Variants in CLMP observed in about 807,000 individuals in gnomAD.
CLMP encodes CXADR like cell adhesion molecule.
Under a neutral mutation model 45.2 loss-of-function variants are expected in CLMP, and 27 were observed. That is an observed-to-expected ratio of 0.60 (90% CI 0.44 to 0.82). The LOEUF (loss-of-function observed/expected upper bound fraction) is 0.82. CLMP is among the 40% of genes least tolerant of loss of function. CLMP has a pLI of 0.00. For missense variants in CLMP, 403 were observed against 448.4 expected, an observed-to-expected ratio of 0.90 and a Z score of 0.91; for synonymous variants, 167 against 171.4, an observed-to-expected ratio of 0.97 and a Z score of 0.20.
intron 1 of CLMP, among the ~76,000 whole-genome samples, chr11:123,111,555 T>G (rs763530222): frequency 2.0e-5 from 3 of 152,202 alleles, no homozygotes; most frequent in Non-Finnish European, 4.4e-5. Context: ...TTCTTTCCTT[T>G]CTGTTGCTCT....
At position 123,073,468 on chromosome 11, in the gene CLMP, T is replaced by C. The variant is rs756597237; in HGVS notation, c.*6A>G. The C allele has an allele frequency of 1.9e-6, 3 of 1,604,062 alleles. No individual in the cohort carries two copies. Among genetic ancestry groups the C allele is most frequent in the Non-Finnish European group, 2.6e-6 (3 of 1,174,400 alleles). ...AGGAAAGCGTGGGAGTCAAGTCCAT[T>C]GTAATTCAGACCGTTTGGAAGGCTC... On this transcript the variant is annotated 3_prime_UTR_variant, in exon 7 of 7. Coordinates refer to ENST00000448775, the MANE Select transcript of CLMP (RefSeq NM_024769.5).
chr11:123,135,362 A>G (rs75028411), intron 1 of CLMP, among the ~76,000 whole-genome samples: 7,713 of 151,950 alleles, frequency 0.051, 228 homozygotes, highest in Middle Eastern at 0.096. Context: ...CCTGATTTAT[A>G]GAGCCTGTAT....
At chr11:123,183,342 T>G (rs1861794137) in intron 1 of CLMP, among the ~76,000 whole-genome samples, 1 of 152,172 alleles carries the variant, frequency 6.6e-6, no homozygotes, top group Non-Finnish European at 1.5e-5. Flanking sequence ...GTGATTTTCC[T>G]GCCTCAGCCT....
intron 1 of CLMP, among the ~76,000 whole-genome samples, chr11:123,100,631 G>A (rs923353466): frequency 6.6e-6 from 1 of 152,072 alleles, no homozygotes; most frequent in African/African-American, 2.4e-5. Context: ...TGCAAATAGT[G>A]TCCACCCTCA....
chr11:123,075,092 A>T (rs1222424489), intron 5 of CLMP, among the ~76,000 whole-genome samples: 1 of 151,678 alleles, frequency 6.6e-6, no homozygotes. Flanking sequence ...AGTAGCTGGG[A>T]TCACAGGCGT....
intron 1 of CLMP, among the ~76,000 whole-genome samples, chr11:123,133,202 G>C (rs991763648): frequency 1.3e-5 from 2 of 152,134 alleles, no homozygotes; most frequent in African/African-American, 4.8e-5. Flanking sequence ...AATGAGGCTG[G>C]AAAAGCGTAA....
At chr11:123,091,797 A>G (rs1865934765) in intron 2 of CLMP, among the ~76,000 whole-genome samples, 1 of 152,144 alleles carries the variant, frequency 6.6e-6, no homozygotes, top group Non-Finnish European at 1.5e-5. Flanking sequence ...ACAGCCTGCT[A>G]CAATTCCACA....
Position 123,084,602 on chromosome 11 carries a change from G to A in CLMP, c.298C>T (p.Pro100Ser), listed in dbSNP as rs150466973. 8.0e-5 allele frequency: 129 copies of A among 1,614,200 alleles called. No individual in the cohort carries two copies. In the African/African-American group the frequency reaches 1.4e-3, roughly 18 times the overall value. The change falls in exon 3 of 7, where the codon CCT becomes TCT. Residue 100 changes from proline (P) to serine (S), a missense_variant. Physicochemically the swap from Pro to Ser is moderately conservative, Grantham distance 74 (BLOSUM62 -1). Coordinates refer to ENST00000448775, the MANE Select transcript of CLMP (RefSeq NM_024769.5). ...CGGCCCTCATCACTGGGCTTCAGAG[G>A]TTCAATCTGCAAGGAGGCATCTCCT... Reference protein sequence around the residue: ...LAGDASLQIEPLKPSDEGRYT... With the variant: ...LAGDASLQIESLKPSDEGRYT...
At chr11:123,076,647 T>C (rs1467896941) in intron 5 of CLMP, among the ~76,000 whole-genome samples, 1 of 152,070 alleles carries the variant, frequency 6.6e-6, no homozygotes, top group African/African-American at 2.4e-5. Flanking sequence ...ACAATTAATG[T>C]GAGTGGGTCT....
chr11:123,173,644 C>T (rs928636772), intron 1 of CLMP, among the ~76,000 whole-genome samples: 8 of 152,316 alleles, frequency 5.3e-5, no homozygotes, highest in African/African-American at 1.9e-4. Context: ...GAGCCTCATC[C>T]TCCTCTGTAA....
At position 123,083,187 on chromosome 11, in the gene CLMP, CTCG is replaced by C; in HGVS notation, c.574_576del (p.Arg192del). On this transcript the variant is annotated inframe_deletion, in exon 5 of 7. Coordinates refer to ENST00000448775, the MANE Select transcript of CLMP (RefSeq NM_024769.5). ...GACATGGTAAGATTCTGCAGCAGAACTCGTCCAGGGTGGTTGTAGTCTGCACAA... is the reference window on the plus strand; with the variant it reads ...GACATGGTAAGATTCTGCAGCAGAACTCCAGGGTGGTTGTAGTCTGCACAA... The C allele has an allele frequency of 6.2e-7, 1 of 1,614,106 alleles. No homozygotes were observed. Among genetic ancestry groups the C allele is most frequent in the South Asian group, 1.1e-5 (1 of 91,078 alleles).
chr11:123,083,148 A>G lies in CLMP; in HGVS notation c.616T>C (p.Tyr206His). 2 of 1,614,106 alleles carry G rather than the reference A, an allele frequency of 1.2e-6. No individual in the cohort carries two copies. The highest frequency in any genetic ancestry group is 1.1e-5 in the South Asian group (1 of 91,086). The change falls in exon 5 of 7, where the codon TAC becomes CAC. Residue 206 changes from tyrosine to histidine, a missense_variant. Coordinates refer to ENST00000448775, the MANE Select transcript of CLMP (RefSeq NM_024769.5). The part of the protein sequence containing the change: ...QNLTMSYSGL[Y>H]QCTAGNEAGK... Reference sequence around the variant, plus strand: ...GCTTCGTTGCCTGCTGTGCACTGGTACAGTCCAGAGTAGGACATGGTAAGA... The same window carrying G: ...GCTTCGTTGCCTGCTGTGCACTGGTGCAGTCCAGAGTAGGACATGGTAAGA...
At chr11:123,193,560 C>T (rs1009227058) in intron 1 of CLMP, among the ~76,000 whole-genome samples, 1 of 152,220 alleles carries the variant, frequency 6.6e-6, no homozygotes, top group Non-Finnish European at 1.5e-5. Flanking sequence ...ACCTGCCTTA[C>T]TTGAGCAATA....
intron 2 of CLMP, among the ~76,000 whole-genome samples, chr11:123,088,242 T>C (rs1220530540): frequency 1.3e-5 from 2 of 152,086 alleles, no homozygotes. Flanking sequence ...GTGATAGAGC[T>C]GACTTAGTAA....
rs530791355 is a variant in CLMP at position 123,129,415 on chromosome 11, ATATAT to A, written c.29-31468_29-31464del. On this transcript the variant is annotated intron_variant, in intron 1 of 6. Coordinates refer to ENST00000448775, the MANE Select transcript of CLMP (RefSeq NM_024769.5). ...TATTATATAAAATATATATCATATGATATATTATATAAAATATATATCATATGATA... is the reference window on the plus strand; with the variant it reads ...TATTATATAAAATATATATCATATGATATATAAAATATATATCATATGATA... Among the ~76,000 whole-genome samples, 391 of 141,782 alleles carry A rather than the reference ATATAT, an allele frequency of 2.8e-3. 1 individual carries two copies. The highest frequency in any genetic ancestry group is 9.1e-3 in the African/African-American group (346 of 37,914). The allele number at this position is 141,782 out of a possible 152,430, so 93.0% of individuals were successfully genotyped here.
chr11:123,164,018 T>C (rs190101252), intron 1 of CLMP, among the ~76,000 whole-genome samples: 15 of 152,354 alleles, frequency 9.8e-5, no homozygotes, highest in Non-Finnish European at 1.6e-4. Flanking sequence ...CAACTATTTA[T>C]TTTCCAGTAG....
At chr11:123,095,141 G>A (rs1865975410) in intron 2 of CLMP, among the ~76,000 whole-genome samples, 1 of 152,186 alleles carries the variant, frequency 6.6e-6, no homozygotes, top group Admixed American at 6.5e-5. Flanking sequence ...ACTGCTTAAA[G>A]CCATATCAAG....
Position 123,176,321 on chromosome 11 carries a change from T to TA in CLMP, c.28+18591dup, listed in dbSNP as rs199547202. Among the ~76,000 whole-genome samples, 603 of 150,074 alleles carry TA rather than the reference T, an allele frequency of 4.0e-3. 1 individual carries two copies. Among genetic ancestry groups the TA allele is most frequent in the African/African-American group, 0.012 (512 of 41,016 alleles). ...TTTGAAATTACACTAGTTCCTGAAA[T>TA]AAAAAAAAAATTGAGAAACACTCAT... On this transcript the variant is annotated intron_variant, in intron 1 of 6. Transcript: ENST00000448775.
rs1187996793 is a variant in CLMP, at chr11:123,187,405, C to T, written c.28+7508G>A. Among the ~76,000 whole-genome samples, 35 of 152,210 alleles carry T rather than the reference C, an allele frequency of 2.3e-4. 1 individual carries two copies. The highest frequency in any genetic ancestry group is 2.2e-3 in the Admixed American group (34 of 15,284). On this transcript the variant is annotated intron_variant, in intron 1 of 6. Coordinates refer to ENST00000448775, the MANE Select transcript of CLMP (RefSeq NM_024769.5). ...GCTTATTGCTCTAAGTCTGAACGAT[C>T]CCCACAAACCCAAGCCTATATTTAA...
Sources: allele counts gnomAD v4.1 joint callset (sites outside exome capture counted in the v4.1 genomes callset), GRCh38; gene constraint gnomAD v4.1.1; transcripts MANE v1.5; gene names NCBI Gene and HGNC (gene_info 2026-07-23, HGNC 2026-07-21).